Variants in EFCAB13 observed in about 807,000 individuals in gnomAD.
EFCAB13 encodes the protein EF-hand calcium-binding domain-containing protein 13.
EFCAB13 carries 91 observed loss-of-function variants against 110.2 expected under a neutral mutation model. That is an observed-to-expected ratio of 0.83 (90% confidence interval 0.70 to 0.98). The LOEUF (loss-of-function observed/expected upper bound fraction) is 0.98. EFCAB13 is among the 50% of genes least tolerant of loss of function. The probability of loss-of-function intolerance (pLI) is 0.00; values close to 1 mark genes in which losing one functional copy is unlikely to be tolerated. For missense variants in EFCAB13, 968 were observed against 1,119.4 expected (o/e 0.86, Z 1.93); for synonymous variants, 323 against 369.9 (o/e 0.87, Z 1.45).
At chr17:47,434,848 C>T (rs920080689) in intron 24 of EFCAB13, among the ~76,000 whole-genome samples, 4 of 152,024 alleles carry the variant, frequency 2.6e-5, no homozygotes, top group East Asian at 3.9e-4. Context: ...TGTAGAAACA[C>T]GAAACTGTAT....
At chr17:47,344,690 G>T (rs2065405486) in intron 7 of EFCAB13, among the ~76,000 whole-genome samples, 1 of 152,068 alleles carries the variant, frequency 6.6e-6, no homozygotes, top group Admixed American at 6.6e-5. Flanking sequence ...GCTGTTTAAA[G>T]ATGTTCTTGT....
intron 10 of EFCAB13, among the ~76,000 whole-genome samples, chr17:47,368,822 A>G (rs1400777773): frequency 1.3e-5 from 2 of 152,198 alleles, no homozygotes; most frequent in African/African-American, 4.8e-5. Flanking sequence ...TTTCCACACT[A>G]AAGAATGCTG....
rs1371417502 is a variant in EFCAB13, at chr17:47,344,143, T to A, written c.304-19T>A. Reference sequence around the variant, plus strand: ...GTGTCACTCACCTCAGGCACCAACATACTTGCATTTGGCTCTAGATTATCC... The same window carrying A: ...GTGTCACTCACCTCAGGCACCAACAAACTTGCATTTGGCTCTAGATTATCC... On this transcript the variant is annotated intron_variant, in intron 6 of 24. Coordinates refer to ENST00000331493, the MANE Select transcript of EFCAB13 (RefSeq NM_152347.5). 6.2e-7 allele frequency: 1 copy of A among 1,609,408 alleles called. No homozygotes were observed. The highest frequency in any genetic ancestry group is 2.2e-5 in the East Asian group (1 of 44,748).
At chr17:47,351,279 C>CTGTATG (rs2065448291) in intron 9 of EFCAB13, among the ~76,000 whole-genome samples, 1 of 127,996 alleles carries the variant, frequency 7.8e-6, no homozygotes, top group Non-Finnish European at 1.6e-5. Flanking sequence ...TAGTATTCCA[C>CTGTATG]TGTGTGTGTG....
intron 21 of EFCAB13, among the ~76,000 whole-genome samples, chr17:47,411,369 C>G (rs72829627): frequency 0.05 from 7,599 of 152,270 alleles, 251 homozygotes; most frequent in East Asian, 0.11. Context: ...ACATTTCCCC[C>G]CCAAACTCAG....
At position 47,440,652 on chromosome 17, in the gene EFCAB13, C is replaced by G. The variant is rs759918419; in HGVS notation, c.2860C>G (p.His954Asp). Residue 954 changes from histidine (H) to aspartate (D), a missense_variant, in exon 25 of 25, where the codon CAT becomes GAT. Physicochemically the swap from His to Asp is moderately conservative, Grantham distance 81 (BLOSUM62 -1). Coordinates refer to ENST00000331493, the MANE Select transcript of EFCAB13 (RefSeq NM_152347.5). Reference protein sequence around the residue: ...MNIKQHKISLHNFCLNSKANI... With the variant: ...MNIKQHKISLDNFCLNSKANI... Reference sequence around the variant, plus strand: ...TATAAAACAACACAAGATTAGTTTACATAACTTCTGTTTGAATTCTAAGGC... The same window carrying G: ...TATAAAACAACACAAGATTAGTTTAGATAACTTCTGTTTGAATTCTAAGGC... The G allele has an allele frequency of 9.3e-6, 15 of 1,605,322 alleles. No homozygotes were observed. The highest frequency in any genetic ancestry group is 1.1e-5 in the South Asian group (1 of 88,756).
At chr17:47,381,033 C>T (rs2065644957) in intron 14 of EFCAB13, among the ~76,000 whole-genome samples, 2 of 151,922 alleles carry the variant, frequency 1.3e-5, no homozygotes, top group African/African-American at 4.8e-5. Flanking sequence ...CAGGTACGTA[C>T]CACCATGCCT....
rs200794959 is a variant in EFCAB13, at chr17:47,374,862, G to T, written c.1268G>T (p.Ser423Ile). The T allele has an allele frequency of 2.0e-4, 317 of 1,613,400 alleles. No homozygotes were observed. Among genetic ancestry groups the T allele is most frequent in the Non-Finnish European group, 2.5e-4 (291 of 1,179,864 alleles). ...STSLSKSLDK[S>I]DISSIPKLQK... ...AGCCTCAGTAAGTCTCTGGATAAAAGTGATATTTCTAGTATCCCAAAACTT... is the reference window on the plus strand; with the variant it reads ...AGCCTCAGTAAGTCTCTGGATAAAATTGATATTTCTAGTATCCCAAAACTT... Residue 423 changes from serine to isoleucine, a missense_variant, in exon 12 of 25, where the codon AGT (serine) becomes ATT (isoleucine). By Grantham distance (142) the Ser-to-Ile change is moderately radical. Transcript: ENST00000331493.
Position 47,328,266 on chromosome 17 carries a change from C to T in EFCAB13, c.-85-3C>T. The T allele has an allele frequency of 8.8e-7, 1 of 1,139,196 alleles. No individual in the cohort carries two copies. The highest frequency in any genetic ancestry group is 1.3e-6 in the Non-Finnish European group (1 of 760,260). 70.6% of individuals were successfully genotyped at this position (1,139,196 alleles called of 1,614,324 possible). On this transcript the variant is annotated splice_region_variant and splice_polypyrimidine_tract_variant and intron_variant, in intron 3 of 24. Transcript: ENST00000331493. Reference sequence around the variant, plus strand: ...TGATTTCTTCTTTCTCTTTTTTTGGCAGGAAATCCTTTTGTACTATTGCTC... The same window carrying T: ...TGATTTCTTCTTTCTCTTTTTTTGGTAGGAAATCCTTTTGTACTATTGCTC...
At chr17:47,348,764 G>A (rs1405680111) in intron 9 of EFCAB13, among the ~76,000 whole-genome samples, 3 of 151,914 alleles carry the variant, frequency 2.0e-5, no homozygotes, top group Non-Finnish European at 4.4e-5. Context: ...TTGAAAAATT[G>A]TGTTCTTATT....
rs149775985 is a variant in EFCAB13 at position 47,353,247 on chromosome 17, A to G, written c.661+5296A>G. ...TGTATGGCCTTTATTATTTTGAGGTATGTTCCTTTTATAGTGAATCAGATT... is the reference window on the plus strand; with the variant it reads ...TGTATGGCCTTTATTATTTTGAGGTGTGTTCCTTTTATAGTGAATCAGATT... On this transcript the variant is annotated intron_variant, in intron 9 of 24. Transcript: ENST00000331493. Among the ~76,000 whole-genome samples the G allele has an allele frequency of 2.0e-4, 30 of 151,874 alleles. No homozygotes were observed. In the East Asian group the frequency reaches 5.8e-3, roughly 29 times the overall value.
intron 5 of EFCAB13, among the ~76,000 whole-genome samples, chr17:47,336,012 A>G (rs868589705): frequency 2.6e-4 from 40 of 152,342 alleles, no homozygotes; most frequent in Middle Eastern, 3.4e-3. Context: ...TAGTTAGAGG[A>G]GAACAGTTAT....
At chr17:47,419,679 A>G (rs1050763743) in intron 23 of EFCAB13, among the ~76,000 whole-genome samples, 1 of 152,166 alleles carries the variant, frequency 6.6e-6, no homozygotes, top group African/African-American at 2.4e-5. Flanking sequence ...TCATGAGTCA[A>G]TAGTTTATTG....
chr17:47,345,455 C>T (rs892108381), intron 8 of EFCAB13, among the ~76,000 whole-genome samples: 2 of 152,064 alleles, frequency 1.3e-5, no homozygotes, highest in African/African-American at 4.8e-5. Flanking sequence ...GCTTATACTA[C>T]CCTTCACTCC....
At chr17:47,406,357 C>T (rs187529976) in intron 20 of EFCAB13, among the ~76,000 whole-genome samples, 2 of 152,300 alleles carry the variant, frequency 1.3e-5, no homozygotes, top group African/African-American at 4.8e-5. Flanking sequence ...GATCTGCCCG[C>T]CTCGGCCTCC....
At chr17:47,404,158 C>T in intron 19 of EFCAB13, 137 bp downstream of exon 19, 1 of 725,388 alleles carries the variant, frequency 1.4e-6, no homozygotes, top group South Asian at 2.7e-5. Context: ...TCCTCTTTTG[C>T]AGTTATGAGA....
intron 9 of EFCAB13, among the ~76,000 whole-genome samples, chr17:47,359,605 T>C (rs2065499675): frequency 6.8e-6 from 1 of 147,692 alleles, no homozygotes. Context: ...TTTCAATCTG[T>C]TTAATTTTTT....
At chr17:47,429,748 TTAAG>T (rs1303923764) in intron 23 of EFCAB13, 66 bp from the exon 24 acceptor site, 4 of 1,474,492 alleles carry the variant, frequency 2.7e-6, no homozygotes, top group Non-Finnish European at 3.6e-6. Context: ...CCTGAGGCTA[TTAAG>T]TGATAACTAA....
chr17:47,374,766 T>G lies in EFCAB13; in HGVS notation c.1172T>G (p.Phe391Cys). 6.2e-7 allele frequency: 1 copy of G among 1,613,914 alleles called. No individual in the cohort carries two copies. Among genetic ancestry groups the G allele is most frequent in the East Asian group, 2.2e-5 (1 of 44,838 alleles). Residue 391 changes from phenylalanine (F) to cysteine (C), a missense_variant, in exon 12 of 25, where the codon TTT becomes TGT. Transcript: ENST00000331493. Reference protein sequence around the residue: ...QEPYSKNGINFKKHSEKGEIH... With the variant: ...QEPYSKNGINCKKHSEKGEIH... ...CCATATTCAAAGAATGGCATAAACT[T>G]TAAAAAACATTCAGAGAAGGGTGAA...
Sources: allele counts gnomAD v4.1 joint callset (sites outside exome capture counted in the v4.1 genomes callset), GRCh38; gene constraint gnomAD v4.1.1; transcripts MANE v1.5; gene names NCBI Gene and HGNC (gene_info 2026-07-23, HGNC 2026-07-21).